PDXDC1: variants seen among roughly 807,000 people sequenced by gnomAD.
PDXDC1 encodes the protein pyridoxal dependent decarboxylase domain containing 1.
Under a neutral mutation model 100.1 loss-of-function variants are expected in PDXDC1, and 42 were observed. That is an observed-to-expected ratio of 0.42 (90% CI 0.33 to 0.54). The LOEUF (loss-of-function observed/expected upper bound fraction) is 0.54, where lower values mean the gene tolerates loss of function less well. Among genes scored for constraint, PDXDC1 ranks in the 20% least tolerant of loss-of-function variants. The pLI is 0.10. For synonymous variants in PDXDC1, 260 were observed against 371.7 expected (o/e 0.70, Z 3.46); for missense variants, 636 against 979.2 (o/e 0.65, Z 4.68).
At chr16:15,034,605 C>A in intron 21 of PDXDC1, 52 bp downstream of exon 21, 4 of 1,337,576 alleles carry the variant, frequency 3.0e-6, no homozygotes, top group Non-Finnish European at 4.3e-6. Context: ...GAGGTTTCAC[C>A]AAATGCCCTT....
At chr16:15,017,569 C>CT (rs201927328) in intron 11 of PDXDC1, 147 bp downstream of exon 11, 12,829 of 684,518 alleles carry the variant, frequency 0.019, no homozygotes, top group Non-Finnish European at 0.025. Flanking sequence ...ACTTGTGAGA[C>CT]TTTTTTTAAT....
intron 16 of PDXDC1, chr16:15,084,521 T>A: frequency 1.1e-5 from 7 of 663,916 alleles, no homozygotes; most frequent in Non-Finnish European, 1.8e-5. Flanking sequence ...CTCAAGTGGA[T>A]ACAAAAAAAA....
intron 16 of PDXDC1, chr16:15,125,876 C>G: frequency 1.3e-6 from 1 of 766,812 alleles, no homozygotes; most frequent in Non-Finnish European, 2.3e-6. Context: ...GAGAAGCCAC[C>G]TCCTCAGCAG....
intron 16 of PDXDC1, chr16:15,135,560 G>A: frequency 9.2e-7 from 1 of 1,092,700 alleles, no homozygotes; most frequent in East Asian, 2.4e-5. Context: ...ACTGAGGACG[G>A]GCCAGCCCTG....
intron 16 of PDXDC1, among the ~76,000 whole-genome samples, chr16:15,058,286 C>T (rs562381897): frequency 3.3e-5 from 5 of 151,030 alleles, no homozygotes; most frequent in Admixed American, 6.6e-5. Flanking sequence ...TACAGCAAGA[C>T]CGTCTCAAAA....
chr16:14,977,460 A>C (rs922746653), intron 1 of PDXDC1, among the ~76,000 whole-genome samples: 7 of 152,198 alleles, frequency 4.6e-5, no homozygotes, highest in African/African-American at 1.7e-4. Flanking sequence ...TTGTATTCCC[A>C]GTAGAGATGG....
At chr16:15,139,894 G>T (rs959299532), downstream of PDXDC1, among the ~76,000 whole-genome samples, 1 of 152,030 alleles carries the variant, frequency 6.6e-6, no homozygotes, top group African/African-American at 2.4e-5. Context: ...TCAAGAGATC[G>T]AGACCATCCT....
rs765296535 is a variant in PDXDC1, at chr16:15,128,115, G to A, written c.1400-10764G>A. ...AGGTCCCTGATGATGACGTGCTGCA[G>A]GAACCAGGCAGGGCTGAGCCCTGCA... On this transcript the variant is annotated intron_variant, in intron 16 of 16. Transcript: ENST00000535621. The A allele has an allele frequency of 2.0e-5, 33 of 1,609,772 alleles. No homozygotes were observed. In the African/African-American group the frequency reaches 3.7e-4, roughly 18 times the overall value.
At chr16:15,117,259 A>G (rs1207203602) in intron 16 of PDXDC1, among the ~76,000 whole-genome samples, 1 of 36,726 alleles carries the variant, frequency 2.7e-5, no homozygotes, top group Non-Finnish European at 5.2e-5. Context: ...AACAAGGGAG[A>G]AACTGTCTCA....
chr16:15,150,391 G>A, the PDXDC1 span, among the ~76,000 whole-genome samples: 1 of 137,888 alleles, frequency 7.3e-6, no homozygotes, highest in African/African-American at 2.6e-5. Context: ...ATAAATAAAA[G>A]ACATCACTCA....
At chr16:15,003,374 G>A (rs148450427) in intron 4 of PDXDC1, among the ~76,000 whole-genome samples, 3 of 152,180 alleles carry the variant, frequency 2.0e-5, no homozygotes, top group African/African-American at 7.2e-5. Context: ...CCACCACCAG[G>A]CCCGGCTAAT....
rs1349522953 is a variant in PDXDC1 at position 15,037,005 on chromosome 16, CTG to C, written c.*733_*734del. On this transcript the variant is annotated 3_prime_UTR_variant, in exon 23 of 23. Coordinates refer to ENST00000396410, the MANE Select transcript of PDXDC1 (RefSeq NM_015027.4). The stretch of plus-strand genomic sequence containing the variant: ...TTTAAAATTGGCACACAAGTACAGA[CTG>C]TGCTCATTTCTGTTTAGTATCTGAA... 1 of 152,352 alleles carries C rather than the reference CTG, an allele frequency of 6.6e-6. No individual in the cohort carries two copies. The highest frequency in any genetic ancestry group is 1.9e-4 in the East Asian group (1 of 5,202). 9.4% of individuals were successfully genotyped at this position (152,352 alleles called of 1,614,324 possible).
chr16:14,981,705 T>C (rs556458527), intron 1 of PDXDC1, among the ~76,000 whole-genome samples: 2 of 152,416 alleles, frequency 1.3e-5, no homozygotes, highest in South Asian at 2.1e-4. Flanking sequence ...CTCCAACGTA[T>C]ATCTGAGTCA....
intron 16 of PDXDC1, chr16:15,080,096 C>T: frequency 6.3e-7 from 1 of 1,592,282 alleles, no homozygotes; most frequent in Non-Finnish European, 8.5e-7. Flanking sequence ...ACGTAACATT[C>T]CTAAAGGAGA....
intron 16 of PDXDC1, chr16:15,083,460 T>A: frequency 6.2e-7 from 1 of 1,603,666 alleles, no homozygotes; most frequent in South Asian, 1.1e-5. Flanking sequence ...TCATCTAAAA[T>A]GAAATCGTAC....
rs559872152 is a variant in PDXDC1 at position 15,104,568 on chromosome 16, G to A, written c.1400-34311G>A. The A allele has an allele frequency of 1.9e-5, 31 of 1,597,836 alleles. 1 individual carries two copies. In the South Asian group the frequency reaches 2.1e-4, roughly 11 times the overall value. On this transcript the variant is annotated intron_variant, in intron 16 of 16. Transcript: ENST00000535621. Reference sequence around the variant, plus strand: ...CGGAGGTGTCTTGAGATTATCATCCGCTGAGGGTGGAAGGGGATAGAGCAG... The same window carrying A: ...CGGAGGTGTCTTGAGATTATCATCCACTGAGGGTGGAAGGGGATAGAGCAG...
downstream of PDXDC1, among the ~76,000 whole-genome samples, chr16:15,141,466 G>T (rs753695491): frequency 2.0e-5 from 3 of 152,196 alleles, no homozygotes; most frequent in Non-Finnish European, 4.4e-5. Context: ...TTCCATCTGC[G>T]GATGGAGGGC....
At chr16:15,135,759 A>G in intron 16 of PDXDC1, 1 of 1,596,938 alleles carries the variant, frequency 6.3e-7, no homozygotes, top group Non-Finnish European at 8.6e-7. Flanking sequence ...TGTGTGTCTG[A>G]CCACACGCGG....
At chr16:15,102,660 T>G (rs1447416854) in intron 16 of PDXDC1, among the ~76,000 whole-genome samples, 2 of 149,280 alleles carry the variant, frequency 1.3e-5, no homozygotes, top group African/African-American at 5.0e-5. Flanking sequence ...GGAAACAGCT[T>G]AGATAAGGCC....
Sources: gnomAD v4.1 joint callset for allele counts (sites outside exome capture counted in the v4.1 genomes callset) on GRCh38, gnomAD v4.1.1 for gene constraint, MANE v1.5 for transcripts, NCBI Gene and HGNC (gene_info 2026-07-23, HGNC 2026-07-21) for gene names.